The following DGKG variants were observed in gnomAD, a reference collection of about 807,000 sequenced individuals.
The protein encoded by DGKG is DAG kinase gamma.
A neutral mutation model predicts 105.3 loss-of-function variants in DGKG; 78 were observed. That is an observed-to-expected ratio of 0.74 (90% CI 0.62 to 0.89). The LOEUF is 0.89. DGKG is among the 40% of genes least tolerant of loss of function. The probability of loss-of-function intolerance (pLI) is 0.00; values close to 1 mark genes in which losing one functional copy is unlikely to be tolerated. For missense variants in DGKG, 958 were observed against 1,020.1 expected (o/e 0.94, Z 0.83); for synonymous variants, 346 against 367.1 (o/e 0.94, Z 0.66).
intron 2 of DGKG, among the ~76,000 whole-genome samples, chr3:186,310,140 G>A (rs1195200139): frequency 2.0e-5 from 3 of 151,038 alleles, no homozygotes; most frequent in African/African-American, 7.3e-5. Context: ...GGTGGCACGT[G>A]CCTGTAATCC....
At chr3:186,305,144 T>C (rs1411016734) in intron 3 of DGKG, among the ~76,000 whole-genome samples, 1 of 152,166 alleles carries the variant, frequency 6.6e-6, no homozygotes, top group Non-Finnish European at 1.5e-5. Flanking sequence ...AGACAATTAA[T>C]TAAGTAAATT....
intron 1 of DGKG, among the ~76,000 whole-genome samples, chr3:186,347,797 G>A (rs918345329): frequency 6.6e-6 from 1 of 152,084 alleles, no homozygotes; most frequent in African/African-American, 2.4e-5. Context: ...CAGCCAGGCT[G>A]GTCTCAAACT....
At chr3:186,268,611 T>C (rs1297443963) in intron 12 of DGKG, among the ~76,000 whole-genome samples, 190 bp downstream of exon 12, 1 of 152,186 alleles carries the variant, frequency 6.6e-6, no homozygotes, top group Non-Finnish European at 1.5e-5. Flanking sequence ...GGGTGCCCTC[T>C]CTCTGGGCAG....
intron 19 of DGKG, among the ~76,000 whole-genome samples, chr3:186,245,772 A>C (rs1171243595): frequency 6.6e-6 from 1 of 152,308 alleles, no homozygotes; most frequent in East Asian, 1.9e-4. Flanking sequence ...TTCCAAGTAC[A>C]TGCATCAGTC....
rs143686959 is a variant in DGKG, at chr3:186,191,406, A to G, written c.1918-3027T>C. On this transcript the variant is annotated intron_variant, in intron 21 of 24. Transcript: ENST00000265022. Reference sequence around the variant, plus strand: ...CTGGAGCCATATTTGTCTGCCTCTTATTGGCTAGAACCTACTCTGTTTTCT... The same window carrying G: ...CTGGAGCCATATTTGTCTGCCTCTTGTTGGCTAGAACCTACTCTGTTTTCT... 8.0e-3 allele frequency among the ~76,000 whole-genome samples: 1,220 copies of G among 152,252 alleles called. 12 individuals carry two copies. The highest frequency in any genetic ancestry group is 0.04 in the South Asian group (193 of 4,818).
chr3:186,348,685 C>G (rs1461853336), intron 1 of DGKG, among the ~76,000 whole-genome samples: 1 of 151,932 alleles, frequency 6.6e-6, no homozygotes, highest in African/African-American at 2.4e-5. Flanking sequence ...CTCCTGGGCT[C>G]AAGTGACTGC....
At chr3:186,233,761 G>T (rs1198867003) in intron 20 of DGKG, among the ~76,000 whole-genome samples, 3 of 152,232 alleles carry the variant, frequency 2.0e-5, no homozygotes, top group African/African-American at 7.2e-5. Context: ...GGGATTACAG[G>T]CGTGAGCCAC....
intron 5 of DGKG, among the ~76,000 whole-genome samples, chr3:186,297,068 T>TCTCTCACACACACACACACACA (rs1452573661): frequency 3.1e-5 from 4 of 130,420 alleles, no homozygotes; most frequent in African/African-American, 1.2e-4. Flanking sequence ...TCTGTCTCTC[T>TCTCTCACACACACACACACACA]CACACACACA....
chr3:186,194,981 T>G lies in DGKG; in HGVS notation c.1918-6602A>C, dbSNP rs751576623. 1.8e-4 allele frequency among the ~76,000 whole-genome samples: 27 copies of G among 151,966 alleles called. 1 individual carries two copies. Among genetic ancestry groups the G allele is most frequent in the South Asian group, 6.2e-4 (3 of 4,818 alleles). On this transcript the variant is annotated intron_variant, in intron 21 of 24. Transcript: ENST00000265022. ...TTAGCCGGGCGTGGTGGGGGACGCCTGTAATCTCAGCTACTCTGGAGGCTG... is the reference window on the plus strand; with the variant it reads ...TTAGCCGGGCGTGGTGGGGGACGCCGGTAATCTCAGCTACTCTGGAGGCTG...
intron 22 of DGKG, among the ~76,000 whole-genome samples, chr3:186,173,671 G>T (rs1716935405): frequency 6.6e-6 from 1 of 152,268 alleles, no homozygotes; most frequent in South Asian, 2.1e-4. Context: ...CAGTTGGACT[G>T]GTCTGCACAG....
At chr3:186,360,753 G>C (rs1727188325) in intron 1 of DGKG, among the ~76,000 whole-genome samples, 1 of 152,196 alleles carries the variant, frequency 6.6e-6, no homozygotes, top group Non-Finnish European at 1.5e-5. Flanking sequence ...TAACAAAGTT[G>C]ATTCCCCCAT....
chr3:186,247,868 C>T (rs1721018522), intron 19 of DGKG, among the ~76,000 whole-genome samples: 1 of 151,930 alleles, frequency 6.6e-6, no homozygotes, highest in South Asian at 2.1e-4. Flanking sequence ...ATAAGTCAGC[C>T]CAAGGTAGGT....
intron 22 of DGKG, among the ~76,000 whole-genome samples, chr3:186,166,248 CAT>C (rs1560077678): frequency 1.9e-4 from 2 of 10,658 alleles, no homozygotes; most frequent in Admixed American, 3.2e-3. Context: ...CACTAATGGA[CAT>C]CACTAATGGA....
chr3:186,280,451 A>T (rs893121525), intron 8 of DGKG, among the ~76,000 whole-genome samples: 1 of 152,246 alleles, frequency 6.6e-6, no homozygotes, highest in Admixed American at 6.5e-5. Flanking sequence ...TGGTGAAAAG[A>T]TTAGCATGGT....
chr3:186,357,051 C>T (rs976949508), intron 1 of DGKG, among the ~76,000 whole-genome samples: 1 of 152,044 alleles, frequency 6.6e-6, no homozygotes, highest in Admixed American at 6.6e-5. Flanking sequence ...GGGATCCTCG[C>T]CATCTGTTGA....
chr3:186,308,198 A>G (rs1217821046), intron 2 of DGKG, among the ~76,000 whole-genome samples: 1 of 152,206 alleles, frequency 6.6e-6, no homozygotes, highest in African/African-American at 2.4e-5. Flanking sequence ...AATCATTCAG[A>G]AGCAACTGGA....
At chr3:186,351,206 C>T (rs560533222) in intron 1 of DGKG, among the ~76,000 whole-genome samples, 48 of 152,280 alleles carry the variant, frequency 3.2e-4, no homozygotes, top group African/African-American at 9.4e-4. Context: ...GTTTTCAGAA[C>T]GTCTGACATG....
At chr3:186,348,592 C>T (rs936208707) in intron 1 of DGKG, among the ~76,000 whole-genome samples, 4 of 151,744 alleles carry the variant, frequency 2.6e-5, no homozygotes, top group African/African-American at 7.3e-5. Context: ...GCTGGGACTC[C>T]AGGTGAACAT....
intron 19 of DGKG, 52 bp downstream of exon 19, chr3:186,251,707 C>A: frequency 6.2e-7 from 1 of 1,607,290 alleles, no homozygotes; most frequent in Non-Finnish European, 8.5e-7. Context: ...AGGCTGGAAC[C>A]CTTCCTGGGC....
Sources: gnomAD v4.1 joint callset for allele counts (sites outside exome capture counted in the v4.1 genomes callset) on GRCh38, gnomAD v4.1.1 for gene constraint, MANE v1.5 for transcripts, NCBI Gene and HGNC (gene_info 2026-07-23, HGNC 2026-07-21) for gene names.